Variants in PTPRT observed in about 807,000 individuals in gnomAD.
PTPRT encodes receptor-type tyrosine-protein phosphatase T.
Under a neutral mutation model 176.8 loss-of-function variants are expected in PTPRT, and 56 were observed. The observed-to-expected ratio is 0.32, with a 90% confidence interval of 0.26 to 0.40. The LOEUF is 0.40. Ranked by LOEUF, PTPRT falls within the 10% of genes least tolerant of loss-of-function variation. PTPRT has a pLI of 1.00. For synonymous variants in PTPRT, 783 were observed against 739.0 expected (o/e 1.06, Z -0.96); for missense variants, 1,540 against 1,908.2 (o/e 0.81, Z 3.60).
At chr20:42,625,544 C>T (rs2074274364) in intron 7 of PTPRT, among the ~76,000 whole-genome samples, 3 of 151,988 alleles carry the variant, frequency 2.0e-5, no homozygotes, top group East Asian at 3.9e-4. Flanking sequence ...CCATCCTCTG[C>T]CCCTACCACT....
chr20:42,103,737 A>C (rs1379534287), intron 25 of PTPRT, among the ~76,000 whole-genome samples: 1 of 152,240 alleles, frequency 6.6e-6, no homozygotes, highest in Non-Finnish European at 1.5e-5. Context: ...AGAGGACCTG[A>C]GTCCCTCCAG....
the PTPRT span, among the ~76,000 whole-genome samples, chr20:42,049,408 G>A: frequency 6.6e-6 from 1 of 152,200 alleles, no homozygotes; most frequent in Non-Finnish European, 1.5e-5. Context: ...TCCACTGCCT[G>A]TTTCTAATTA....
At chr20:42,982,021 A>G (rs533308492) in intron 1 of PTPRT, among the ~76,000 whole-genome samples, 3 of 152,328 alleles carry the variant, frequency 2.0e-5, no homozygotes, top group Admixed American at 6.5e-5. Flanking sequence ...GATCCCAATA[A>G]GTCCCTAAAC....
intron 1 of PTPRT, among the ~76,000 whole-genome samples, chr20:42,956,585 CTT>C (rs949349638): frequency 1.4e-5 from 2 of 147,842 alleles, no homozygotes; most frequent in African/African-American, 5.0e-5. Context: ...AAATCTCTCT[CTT>C]TTTTTTTTTA....
rs1165436112 is a variant in PTPRT at position 42,519,886 on chromosome 20, C to T, written c.1154-47324G>A. ...ATGATGTGTCATTTGAAAATTTTTC[C>T]TCCTAGTATAATCAAGTTTTATTTC... On this transcript the variant is annotated intron_variant, in intron 7 of 30. Transcript: ENST00000373187. Among the ~76,000 whole-genome samples, 3 of 152,058 alleles carry T rather than the reference C, an allele frequency of 2.0e-5. No homozygotes were observed. In the East Asian group the frequency reaches 5.8e-4, roughly 29 times the overall value.
chr20:42,932,303 T>C (rs1056002323), intron 1 of PTPRT, among the ~76,000 whole-genome samples: 2 of 152,216 alleles, frequency 1.3e-5, no homozygotes, highest in Non-Finnish European at 2.9e-5. Context: ...ACATCACTTC[T>C]CAAGGGGGCA....
chr20:42,060,950 T>G, the PTPRT span, among the ~76,000 whole-genome samples: 1 of 152,240 alleles, frequency 6.6e-6, no homozygotes, highest in Non-Finnish European at 1.5e-5. Flanking sequence ...GGTTTGCCAC[T>G]TAACAACTAT....
chr20:42,489,243 C>T (rs980086021), intron 7 of PTPRT, among the ~76,000 whole-genome samples: 1 of 152,012 alleles, frequency 6.6e-6, no homozygotes, highest in African/African-American at 2.4e-5. Flanking sequence ...TTCCACGTCC[C>T]CCTTGTTCCA....
chr20:42,776,176 CTAAATGGATCGCTAA>C (rs1340792264), intron 4 of PTPRT, among the ~76,000 whole-genome samples: 1 of 152,182 alleles, frequency 6.6e-6, no homozygotes, highest in Admixed American at 6.5e-5. Flanking sequence ...GCTCTGCCTC[CTAAATGGATCGCTAA>C]TCTCTGCACC....
At chr20:42,793,839 C>A (rs74520452) in intron 2 of PTPRT, among the ~76,000 whole-genome samples, 5 of 152,072 alleles carry the variant, frequency 3.3e-5, no homozygotes, top group Admixed American at 6.5e-5. Flanking sequence ...ACTCACAAGC[C>A]CCACAAAGGG....
At chr20:43,094,831 T>C (rs1168616299) in intron 1 of PTPRT, among the ~76,000 whole-genome samples, 1 of 152,116 alleles carries the variant, frequency 6.6e-6, no homozygotes, top group Non-Finnish European at 1.5e-5. Context: ...TAATGAGTGC[T>C]AATAAATGGA....
At chr20:42,782,947 C>T (rs1418153211) in intron 3 of PTPRT, among the ~76,000 whole-genome samples, 2 of 152,056 alleles carry the variant, frequency 1.3e-5, no homozygotes, top group Non-Finnish European at 2.9e-5. Context: ...GACTACTAAT[C>T]GTATAGGAAA....
chr20:42,327,248 G>A (rs964653232), intron 11 of PTPRT, among the ~76,000 whole-genome samples: 10 of 151,768 alleles, frequency 6.6e-5, no homozygotes, highest in African/African-American at 1.2e-4. Flanking sequence ...TTAAGACCTC[G>A]CTACATATGA....
chr20:42,910,162 T>G (rs1394822945), intron 1 of PTPRT, among the ~76,000 whole-genome samples: 1 of 152,078 alleles, frequency 6.6e-6, no homozygotes, highest in Non-Finnish European at 1.5e-5. Flanking sequence ...CCAAAGACCA[T>G]CCAGAAATCC....
intron 1 of PTPRT, among the ~76,000 whole-genome samples, chr20:42,924,438 A>G (rs548999789): frequency 2.0e-5 from 3 of 152,232 alleles, no homozygotes; most frequent in Admixed American, 6.5e-5. Context: ...AGCATTGTGA[A>G]CCTCGGGAAG....
chr20:42,232,360 T>G (rs576949037), intron 15 of PTPRT, among the ~76,000 whole-genome samples: 18 of 152,328 alleles, frequency 1.2e-4, no homozygotes, highest in African/African-American at 4.1e-4. Flanking sequence ...TCAGTGATTC[T>G]CTAACATGCA....
At chr20:43,115,802 G>A (rs1157358530) in intron 1 of PTPRT, among the ~76,000 whole-genome samples, 1 of 152,160 alleles carries the variant, frequency 6.6e-6, no homozygotes, top group Non-Finnish European at 1.5e-5. Flanking sequence ...GAATAGCCCT[G>A]GGCAACTAAC....
chr20:42,404,389 C>T (rs946155745), intron 9 of PTPRT, among the ~76,000 whole-genome samples: 4 of 152,158 alleles, frequency 2.6e-5, no homozygotes, highest in Admixed American at 2.0e-4. Context: ...CCTCCACACA[C>T]CCTCCAACAT....
chr20:42,216,027 C>T (rs928379115), intron 15 of PTPRT, among the ~76,000 whole-genome samples: 10 of 152,208 alleles, frequency 6.6e-5, no homozygotes, highest in Admixed American at 4.6e-4. Flanking sequence ...CAAGCTTTAT[C>T]CCAAGCAACC....
Sources: gnomAD v4.1 joint callset for allele counts (sites outside exome capture counted in the v4.1 genomes callset) on GRCh38, gnomAD v4.1.1 for gene constraint, MANE v1.5 for transcripts, NCBI Gene and HGNC (gene_info 2026-07-23, HGNC 2026-07-21) for gene names.